The following TBC1D5 variants were observed in gnomAD, a reference collection of about 807,000 sequenced individuals.
TBC1D5 encodes the protein TBC1 domain family, member 5.
In TBC1D5, 75 loss-of-function variants were observed where a neutral mutation model predicts 100.3. The ratio of observed to expected loss-of-function variants is 0.75; its 90% CI spans 0.62 to 0.91. The LOEUF (loss-of-function observed/expected upper bound fraction) is 0.91. Ranked by LOEUF, TBC1D5 falls within the 40% of genes least tolerant of loss-of-function variation. TBC1D5 has a pLI of 0.00. For missense variants in TBC1D5, 910 were observed against 942.4 expected, an observed-to-expected ratio of 0.97 and a Z score of 0.45; for synonymous variants, 323 against 325.6, an observed-to-expected ratio of 0.99 and a Z score of 0.09.
intron 3 of TBC1D5, among the ~76,000 whole-genome samples, chr3:17,437,561 CAT>C (rs1491348797): frequency 7.1e-6 from 1 of 140,102 alleles, no homozygotes; most frequent in Non-Finnish European, 1.5e-5. Context: ...AGGTAGTATG[CAT>C]GTGTGTGTGT....
At chr3:17,170,294 G>A (rs1445308366) in intron 19 of TBC1D5, among the ~76,000 whole-genome samples, 3 of 152,184 alleles carry the variant, frequency 2.0e-5, no homozygotes, top group East Asian at 1.9e-4. Flanking sequence ...GTAGGTGGGG[G>A]CAGCAAGGGA....
At chr3:17,504,375 T>G (rs1177489332) in intron 3 of TBC1D5, among the ~76,000 whole-genome samples, 2 of 151,398 alleles carry the variant, frequency 1.3e-5, no homozygotes. Flanking sequence ...GCATAGCACA[T>G]GTATACATAT....
At position 17,355,330 on chromosome 3, in the gene TBC1D5, GTT is replaced by G. The variant is rs2091112046; in HGVS notation, c.995+16743_995+16744del. On this transcript the variant is annotated intron_variant, in intron 13 of 21. Coordinates refer to ENST00000253692, the Ensembl canonical transcript of TBC1D5. ...TCAAGACTCCTGTATGTTCCCAATT[GTT>G]TTTAAGAATGAACACCAACTCTCAG... Among the ~76,000 whole-genome samples the G allele has an allele frequency of 2.0e-5, 3 of 152,142 alleles. No individual in the cohort carries two copies. The South Asian group carries it at 6.2e-4, about 32-fold the overall frequency.
chr3:17,295,727 A>G (rs75201265), intron 14 of TBC1D5, among the ~76,000 whole-genome samples: 1,598 of 152,334 alleles, frequency 0.01, 34 homozygotes, highest in African/African-American at 0.037. Flanking sequence ...AGCATAATAA[A>G]ACAGAATGAA....
intron 1 of TBC1D5, among the ~76,000 whole-genome samples, chr3:17,730,125 T>A (rs1197638442): frequency 6.6e-6 from 1 of 151,738 alleles, no homozygotes; most frequent in African/African-American, 2.4e-5. Flanking sequence ...AAAAAAAAAA[T>A]TATACTTAAT....
At chr3:17,535,220 G>A (rs146249208) in intron 2 of TBC1D5, among the ~76,000 whole-genome samples, 125 of 152,218 alleles carry the variant, frequency 8.2e-4, no homozygotes, top group East Asian at 1.3e-3. Context: ...TAAACACAGA[G>A]AGAAGAAACT....
intron 1 of TBC1D5, among the ~76,000 whole-genome samples, chr3:17,692,780 C>A (rs574933189): frequency 5.1e-4 from 78 of 152,282 alleles, no homozygotes; most frequent in Middle Eastern, 3.4e-3. Flanking sequence ...ATCTGAAGAT[C>A]ACAGGTTGAG....
intron 13 of TBC1D5, among the ~76,000 whole-genome samples, chr3:17,327,678 A>G (rs575315672): frequency 6.6e-6 from 1 of 152,198 alleles, no homozygotes; most frequent in East Asian, 1.9e-4. Context: ...TGTACTCCTT[A>G]GATCCCTTCC....
chr3:17,429,509 G>C (rs1278253836), intron 3 of TBC1D5, among the ~76,000 whole-genome samples: 1 of 151,688 alleles, frequency 6.6e-6, no homozygotes, highest in Non-Finnish European at 1.5e-5. Context: ...AATATTTACA[G>C]CTTAATATAA....
intron 1 of TBC1D5, among the ~76,000 whole-genome samples, chr3:17,701,341 G>T (rs1483292130): frequency 6.6e-6 from 1 of 152,108 alleles, no homozygotes; most frequent in Non-Finnish European, 1.5e-5. Flanking sequence ...TAGGGGGCTG[G>T]AGGAGAGATA....
chr3:17,704,175 C>G (rs2073632990), intron 1 of TBC1D5, among the ~76,000 whole-genome samples: 1 of 138,568 alleles, frequency 7.2e-6, no homozygotes, highest in South Asian at 2.6e-4. Context: ...CATCTTGCAC[C>G]GCCCTTAATC....
intron 3 of TBC1D5, among the ~76,000 whole-genome samples, chr3:17,450,857 A>G (rs1181579967): frequency 6.6e-6 from 1 of 152,254 alleles, no homozygotes; most frequent in Non-Finnish European, 1.5e-5. Flanking sequence ...AAGACAGGCC[A>G]ACATTCAAAT....
At chr3:17,167,863 C>G in intron 19 of TBC1D5, 35 bp from the exon 21 acceptor site, 1 of 1,483,358 alleles carries the variant, frequency 6.7e-7, no homozygotes, top group Non-Finnish European at 9.3e-7. Flanking sequence ...ATAACCAATG[C>G]TCTGAGCATA....
intron 14 of TBC1D5, among the ~76,000 whole-genome samples, chr3:17,298,368 TTCTC>T (rs1406078229): frequency 6.6e-6 from 1 of 152,236 alleles, no homozygotes; most frequent in Non-Finnish European, 1.5e-5. Flanking sequence ...AATCTCAACT[TTCTC>T]TCACATTCCA....
At chr3:17,567,365 T>C (rs945487828) in intron 2 of TBC1D5, among the ~76,000 whole-genome samples, 8 of 151,712 alleles carry the variant, frequency 5.3e-5, no homozygotes, top group Non-Finnish European at 8.9e-5. Flanking sequence ...TTCAAACCCT[T>C]ACTAACTCCT....
intron 2 of TBC1D5, among the ~76,000 whole-genome samples, chr3:17,570,912 C>T (rs1456974963): frequency 2.0e-5 from 3 of 151,982 alleles, no homozygotes; most frequent in Non-Finnish European, 2.9e-5. Flanking sequence ...AATACTGCTA[C>T]ATTTCCTTAA....
intron 14 of TBC1D5, among the ~76,000 whole-genome samples, chr3:17,295,579 T>C (rs747803556): frequency 1.4e-4 from 21 of 152,254 alleles, no homozygotes; most frequent in South Asian, 2.1e-4. Context: ...GTAACTGTTT[T>C]GAGAAAGTTT....
intron 4 of TBC1D5, among the ~76,000 whole-genome samples, chr3:17,407,593 T>A (rs753057571): frequency 5.9e-5 from 9 of 152,168 alleles, no homozygotes; most frequent in Non-Finnish European, 1.2e-4. Context: ...GAAAGGATAA[T>A]CTTGCATACT....
intron 14 of TBC1D5, among the ~76,000 whole-genome samples, chr3:17,307,538 A>T (rs901500021): frequency 2.0e-5 from 3 of 152,214 alleles, no homozygotes; most frequent in African/African-American, 7.2e-5. Flanking sequence ...TAACTGGAAG[A>T]AAGTTAAAAT....
Sources: allele counts gnomAD v4.1 joint callset (sites outside exome capture counted in the v4.1 genomes callset), GRCh38; gene constraint gnomAD v4.1.1; transcripts MANE v1.5; gene names NCBI Gene and HGNC (gene_info 2026-07-23, HGNC 2026-07-21).